Variants in CACNA1E observed in about 807,000 individuals in gnomAD.
CACNA1E encodes the protein calcium voltage-gated channel subunit alpha1 E.
Under a neutral mutation model 259.2 loss-of-function variants are expected in CACNA1E, and 40 were observed. That is an observed-to-expected ratio of 0.15 (90% CI 0.12 to 0.20). The LOEUF (loss-of-function observed/expected upper bound fraction) is 0.20. Ranked by LOEUF, CACNA1E falls within the 10% of genes least tolerant of loss-of-function variation. CACNA1E has a pLI of 1.00. For synonymous variants in CACNA1E, 1,104 were observed against 1,138.5 expected (o/e 0.97, Z 0.61); for missense variants, 1,874 against 3,040.1 (o/e 0.62, Z 9.02).
Position 181,763,441 on chromosome 1 carries a change from G to A in CACNA1E, c.4725G>A (p.Leu1575=). Residue 1575 remains leucine (L), a synonymous_variant, in exon 34 of 48, where the codon CTG becomes CTA. Coordinates refer to ENST00000367573, the MANE Select transcript of CACNA1E (RefSeq NM_001205293.3). ...CCAGTGGCTTCAATATGAGCTTTCTGAAGCTCTTCCGAGCTGCCCGCCTCA... is the reference window on the plus strand; with the variant it reads ...CCAGTGGCTTCAATATGAGCTTTCTAAAGCTCTTCCGAGCTGCCCGCCTCA... ...VNTSGFNMSF[L]KLFRAARLIK... is the part of the protein sequence containing the mutation. 1.9e-6 allele frequency: 3 copies of A among 1,603,502 alleles called. No individual in the cohort carries two copies. Among genetic ancestry groups the A allele is most frequent in the Non-Finnish European group, 2.6e-6 (3 of 1,171,458 alleles).
chr1:181,618,179 A>G (rs1655403139), intron 6 of CACNA1E, among the ~76,000 whole-genome samples: 1 of 152,230 alleles, frequency 6.6e-6, no homozygotes, highest in Non-Finnish European at 1.5e-5. Context: ...GATGAACTAG[A>G]GAGAAGCATT....
At position 181,752,389 on chromosome 1, in the gene CACNA1E, G is replaced by C. The variant is rs574559805; in HGVS notation, c.3828+150G>C. Reference sequence around the variant, plus strand: ...TTCTTTTCATCTGCCTGAGCTAAAGGTCTTAGTTTCAAAGGAAAATAACCA... The same window carrying C: ...TTCTTTTCATCTGCCTGAGCTAAAGCTCTTAGTTTCAAAGGAAAATAACCA... On this transcript the variant is annotated intron_variant, in intron 27 of 47. Coordinates refer to ENST00000367573, the MANE Select transcript of CACNA1E (RefSeq NM_001205293.3). 74 of 639,682 alleles carry C rather than the reference G, an allele frequency of 1.2e-4. No homozygotes were observed. In the African/African-American group the frequency reaches 1.2e-3, roughly 11 times the overall value. 39.6% of individuals were successfully genotyped at this position (639,682 alleles called of 1,614,324 possible).
chr1:181,766,841 G>C (rs751912621), intron 35 of CACNA1E, among the ~76,000 whole-genome samples: 5 of 152,158 alleles, frequency 3.3e-5, no homozygotes, highest in Non-Finnish European at 5.9e-5. Flanking sequence ...TTCATCTCAG[G>C]TTGTCAGATC....
intron 3 of CACNA1E, among the ~76,000 whole-genome samples, chr1:181,574,079 G>A (rs1203010360): frequency 1.3e-5 from 2 of 152,162 alleles, no homozygotes; most frequent in African/African-American, 4.8e-5. Flanking sequence ...TGAATGATGA[G>A]AACACATGGA....
chr1:181,771,682 C>G (rs1659531174), intron 36 of CACNA1E: 1 of 471,736 alleles, frequency 2.1e-6, no homozygotes, highest in African/African-American at 1.9e-5. Context: ...TTTGGCTCAG[C>G]AGTTAATTTG....
chr1:181,800,258 C>T lies in CACNA1E; in HGVS notation c.*1424C>T, dbSNP rs762287809. The stretch of plus-strand genomic sequence containing the variant: ...AGCAAAGCAGGCTCCAGTGGGGCCT[C>T]ATCATACAGGATGACAAGACTGGGG... On this transcript the variant is annotated 3_prime_UTR_variant, in exon 48 of 48. Coordinates refer to ENST00000367573, the MANE Select transcript of CACNA1E (RefSeq NM_001205293.3). The T allele has an allele frequency of 2.0e-5, 3 of 152,644 alleles. No individual in the cohort carries two copies. Among genetic ancestry groups the T allele is most frequent in the Non-Finnish European group, 4.4e-5 (3 of 68,064 alleles). 9.5% of individuals were successfully genotyped at this position (152,644 alleles called of 1,614,324 possible). A position where few individuals can be genotyped will look rare whatever the true frequency, so the allele number is the denominator to read the frequency against.
At chr1:181,455,724 C>CT (rs935218816) in intron 2 of CACNA1E, among the ~76,000 whole-genome samples, 1 of 152,208 alleles carries the variant, frequency 6.6e-6, no homozygotes, top group Non-Finnish European at 1.5e-5. Context: ...GTTCTGACTT[C>CT]TTTTTTTTCA....
chr1:181,734,960 C>A (rs912331325), intron 21 of CACNA1E, among the ~76,000 whole-genome samples: 1 of 152,252 alleles, frequency 6.6e-6, no homozygotes, highest in Non-Finnish European at 1.5e-5. Flanking sequence ...TTAATCCCAC[C>A]TGCTGCCCCG....
intron 6 of CACNA1E, among the ~76,000 whole-genome samples, chr1:181,629,669 A>G (rs1231724798): frequency 1.3e-5 from 2 of 152,104 alleles, no homozygotes; most frequent in African/African-American, 4.8e-5. Context: ...ATATATAAAG[A>G]GCCTCTATAC....
At chr1:181,623,366 G>GAACAA (rs1254467572) in intron 6 of CACNA1E, among the ~76,000 whole-genome samples, 1 of 152,066 alleles carries the variant, frequency 6.6e-6, no homozygotes, top group East Asian at 1.9e-4. Flanking sequence ...TTGTTTGCTG[G>GAACAA]AATTTAACAG....
Position 181,619,558 on chromosome 1 carries a change from C to T in CACNA1E, c.952-31780C>T, listed in dbSNP as rs544624684. 3.3e-5 allele frequency among the ~76,000 whole-genome samples: 5 copies of T among 152,212 alleles called. No homozygotes were observed. The South Asian group carries it at 8.3e-4, about 25-fold the overall frequency. ...TTCAGCTTACATTTGAATAGGGTCA[C>T]CCTAGCTGCTTTGTTGGGAATGGAC... is the stretch of plus-strand genomic sequence containing the variant. On this transcript the variant is annotated intron_variant, in intron 6 of 47. Coordinates refer to ENST00000367573, the MANE Select transcript of CACNA1E (RefSeq NM_001205293.3).
intron 35 of CACNA1E, among the ~76,000 whole-genome samples, chr1:181,770,557 C>A (rs1222398063): frequency 2.6e-5 from 4 of 152,200 alleles, no homozygotes; most frequent in African/African-American, 9.6e-5. Context: ...TTTCAAAGTG[C>A]CCAGTTGGCC....
At chr1:181,341,848 T>C (rs1427385117) in intron 1 of CACNA1E, among the ~76,000 whole-genome samples, 1 of 152,176 alleles carries the variant, frequency 6.6e-6, no homozygotes, top group Non-Finnish European at 1.5e-5. Context: ...CAAAAAGGTT[T>C]TATTGAATGC....
At chr1:181,636,539 G>A (rs1176111324) in intron 6 of CACNA1E, among the ~76,000 whole-genome samples, 3 of 152,158 alleles carry the variant, frequency 2.0e-5, no homozygotes, top group Non-Finnish European at 4.4e-5. Context: ...AGAATGGATG[G>A]GGGCTGGACC....
At chr1:181,615,259 C>T (rs376983812) in intron 6 of CACNA1E, among the ~76,000 whole-genome samples, 112 of 152,254 alleles carry the variant, frequency 7.4e-4, no homozygotes, top group African/African-American at 2.3e-3. Flanking sequence ...GGTGCGATCT[C>T]GGCTCACTGC....
chr1:181,502,377 T>C (rs759884087), intron 1 of CACNA1E, among the ~76,000 whole-genome samples: 5 of 149,746 alleles, frequency 3.3e-5, no homozygotes, highest in Non-Finnish European at 7.6e-5. Context: ...GGAATAGTTC[T>C]GTCTGTTTAT....
At chr1:181,690,049 T>C (rs1432197250) in intron 7 of CACNA1E, among the ~76,000 whole-genome samples, 1 of 152,126 alleles carries the variant, frequency 6.6e-6, no homozygotes, top group Non-Finnish European at 1.5e-5. Flanking sequence ...AAGTCTTTGC[T>C]CATGCCTGTG....
intron 6 of CACNA1E, among the ~76,000 whole-genome samples, chr1:181,649,030 T>C (rs1489345681): frequency 6.6e-6 from 1 of 152,228 alleles, no homozygotes; most frequent in South Asian, 2.1e-4. Flanking sequence ...GAGCTAGCTA[T>C]ACAAATATCA....
intron 41 of CACNA1E, 40 bp downstream of exon 41, chr1:181,784,808 C>T (rs1369034021): frequency 8.0e-7 from 1 of 1,247,476 alleles, no homozygotes. Flanking sequence ...ACTGTGGGCC[C>T]AGCATGTGAA....
Sources: allele counts gnomAD v4.1 joint callset (sites outside exome capture counted in the v4.1 genomes callset), GRCh38; gene constraint gnomAD v4.1.1; transcripts MANE v1.5; gene names NCBI Gene and HGNC (gene_info 2026-07-23, HGNC 2026-07-21).